Variants in SERPINB5 observed in about 807,000 individuals in gnomAD.
SERPINB5 encodes serpin family B member 5.
Under a neutral mutation model 32.2 loss-of-function variants are expected in SERPINB5, and 27 were observed. The ratio of observed to expected loss-of-function variants is 0.84; its 90% CI spans 0.62 to 1.16. The LOEUF is 1.16. Ranked by LOEUF, SERPINB5 falls within the 50% of genes most tolerant of loss-of-function variation. SERPINB5 has a pLI of 0.00. For missense variants in SERPINB5, 388 were observed against 436.3 expected (o/e 0.89, Z 0.99); for synonymous variants, 154 against 157.4 (o/e 0.98, Z 0.16).
In SERPINB5 at chr18:63,476,979, C is replaced by G. The variant is rs1157226133; in HGVS notation, c.-74C>G. ...GCCCAGACACGGTCGCCTCCACATC[C>G]AGGTCTTTGTGCTCCTCGCTTGCCT... is the stretch of plus-strand genomic sequence containing the variant. On this transcript the variant is annotated 5_prime_UTR_variant, in exon 1 of 7. Transcript: ENST00000382771. 2.0e-5 allele frequency: 3 copies of G among 152,362 alleles called. No individual in the cohort carries two copies. The East Asian group carries it at 5.8e-4, about 29-fold the overall frequency. The allele number at this position is 152,362 out of a possible 1,614,324, so 9.4% of individuals were successfully genotyped here.
At chr18:63,491,404 CAAAA>C (rs1555670766) in intron 4 of SERPINB5, among the ~76,000 whole-genome samples, 39,368 of 82,856 alleles carry the variant, frequency 0.48, 7,389 homozygotes, top group Non-Finnish European at 0.56. Flanking sequence ...CTGCGTCTCC[CAAAA>C]AAAAAAAAAA....
intron 5 of SERPINB5, chr18:63,497,120 C>T: frequency 1.6e-6 from 1 of 622,070 alleles, no homozygotes; most frequent in East Asian, 3.7e-5. Flanking sequence ...CCTACAGCAG[C>T]TCCCCACTTT....
chr18:63,488,033 A>G (rs1599389079), intron 3 of SERPINB5, among the ~76,000 whole-genome samples: 1 of 151,998 alleles, frequency 6.6e-6, no homozygotes, highest in Non-Finnish European at 1.5e-5. Flanking sequence ...AAAAAAACTG[A>G]GATGTGAGTT....
rs1374278986 is a variant in SERPINB5, at chr18:63,503,584, T to C, written c.990T>C (p.Gly330=). Residue 330 remains glycine (G), a synonymous_variant, in exon 7 of 7, where the codon GGT becomes GGC. Coordinates refer to ENST00000382771, the MANE Select transcript of SERPINB5 (RefSeq NM_002639.5). ...HKVCLEITED[G]GDSIEVPGAR... ...TGTGCTTAGAAATAACTGAAGATGG[T>C]GGGGATTCCATAGAGGTGCCAGGAG... 10 of 1,614,114 alleles carry C rather than the reference T, an allele frequency of 6.2e-6. No homozygotes were observed. The highest frequency in any genetic ancestry group is 8.5e-6 in the Non-Finnish European group (10 of 1,180,042).
intron 6 of SERPINB5, 91 bp from the exon 7 acceptor site, chr18:63,503,239 G>A: frequency 2.1e-6 from 3 of 1,398,026 alleles, no homozygotes; most frequent in South Asian, 1.4e-5. Flanking sequence ...TTGAAGCTGG[G>A]CTTATCATAA....
At chr18:63,485,196 A>G (rs1176689399) in intron 2 of SERPINB5, among the ~76,000 whole-genome samples, 2 of 152,312 alleles carry the variant, frequency 1.3e-5, no homozygotes, top group South Asian at 4.1e-4. Flanking sequence ...CCTCATCATA[A>G]ATCAAGCAGC....
At chr18:63,501,906 G>A (rs1244784387) in intron 6 of SERPINB5, among the ~76,000 whole-genome samples, 2 of 152,086 alleles carry the variant, frequency 1.3e-5, no homozygotes, top group Non-Finnish European at 2.9e-5. Flanking sequence ...ATTTTTTCTT[G>A]TAAATTTGTT....
At chr18:63,501,360 A>T (rs1234228507) in intron 6 of SERPINB5, among the ~76,000 whole-genome samples, 1 of 152,088 alleles carries the variant, frequency 6.6e-6, no homozygotes, top group East Asian at 1.9e-4. Context: ...GTGTCCCTAC[A>T]AAGGACACGA....
intron 5 of SERPINB5, chr18:63,497,302 C>A (rs1031610663): frequency 2.4e-6 from 3 of 1,267,268 alleles, no homozygotes; most frequent in Non-Finnish European, 3.4e-6. Context: ...ATCTCTCAAG[C>A]AGCAGCTCTT....
chr18:63,487,743 A>G (rs1054353944), intron 3 of SERPINB5, among the ~76,000 whole-genome samples: 1 of 152,192 alleles, frequency 6.6e-6, no homozygotes. Context: ...CACACAGACA[A>G]TATTCTAGAC....
At chr18:63,499,312 AC>A (rs1447718290) in intron 6 of SERPINB5, 25 bp downstream of exon 6, 4 of 1,482,782 alleles carry the variant, frequency 2.7e-6, no homozygotes, top group Non-Finnish European at 3.6e-6. Flanking sequence ...GGTGCTCTCC[AC>A]AAAGGCACCC....
At position 63,499,293 on chromosome 18, in the gene SERPINB5, G is replaced by C; in HGVS notation, c.735+6G>C. ...AGTCCACAGGCTTGGAGAAGGTAAGGAGAAGGCAGGTGCTCTCCACAAAGG... is the reference window on the plus strand; with the variant it reads ...AGTCCACAGGCTTGGAGAAGGTAAGCAGAAGGCAGGTGCTCTCCACAAAGG... On this transcript the variant is annotated splice_donor_region_variant and intron_variant, in intron 6 of 6. Coordinates refer to ENST00000382771, the MANE Select transcript of SERPINB5 (RefSeq NM_002639.5). 1 of 1,548,498 alleles carries C rather than the reference G, an allele frequency of 6.5e-7. No homozygotes were observed. Among genetic ancestry groups the C allele is most frequent in the Non-Finnish European group, 8.7e-7 (1 of 1,144,918 alleles).
chr18:63,494,017 G>A (rs905129793), intron 5 of SERPINB5, among the ~76,000 whole-genome samples: 1 of 151,898 alleles, frequency 6.6e-6, no homozygotes, highest in Non-Finnish European at 1.5e-5. Context: ...TACTGTTGAA[G>A]TAAATATGTT....
intron 6 of SERPINB5, among the ~76,000 whole-genome samples, chr18:63,502,358 A>C (rs575275944): frequency 2.0e-4 from 31 of 152,118 alleles, no homozygotes; most frequent in African/African-American, 7.2e-4. Context: ...GATGGTCTCG[A>C]TCTCCTGACC....
chr18:63,496,860 T>C (rs116313768), intron 5 of SERPINB5: 4,397 of 262,718 alleles, frequency 0.017, 187 homozygotes, highest in African/African-American at 0.092. Context: ...CAGGTGTTAA[T>C]AGGAGCAAAG....
intron 5 of SERPINB5, chr18:63,497,477 T>G: frequency 7.4e-6 from 4 of 541,566 alleles, no homozygotes; most frequent in South Asian, 3.8e-5. Flanking sequence ...TGCTAAGCTT[T>G]ACCATTGAAC....
chr18:63,495,023 C>T (rs768475900), intron 5 of SERPINB5, among the ~76,000 whole-genome samples: 1 of 152,240 alleles, frequency 6.6e-6, no homozygotes, highest in Non-Finnish European at 1.5e-5. Context: ...ACCCATTGGG[C>T]ATTTTCACTG....
intron 5 of SERPINB5, among the ~76,000 whole-genome samples, chr18:63,496,676 C>A (rs984928565): frequency 6.6e-6 from 1 of 152,182 alleles, no homozygotes. Context: ...ATTATCCTTG[C>A]AGGCTTGATA....
intron 5 of SERPINB5, among the ~76,000 whole-genome samples, chr18:63,495,584 G>A (rs911094926): frequency 3.9e-5 from 6 of 152,222 alleles, no homozygotes; most frequent in Non-Finnish European, 7.3e-5. Flanking sequence ...TGTTGCAATA[G>A]TCAATGAGTA....
Sources: gnomAD v4.1 joint callset for allele counts (sites outside exome capture counted in the v4.1 genomes callset) on GRCh38, gnomAD v4.1.1 for gene constraint, MANE v1.5 for transcripts, NCBI Gene and HGNC (gene_info 2026-07-23, HGNC 2026-07-21) for gene names.